Variants in INPP4B observed in about 807,000 individuals in gnomAD.
The protein encoded by INPP4B is inositol polyphosphate-4-phosphatase type II B, also known as inositol polyphosphate 4-phosphatase type II.
INPP4B carries 55 observed loss-of-function variants against 122.5 expected under a neutral mutation model. The observed-to-expected ratio is 0.45, with a 90% CI of 0.36 to 0.56. The LOEUF (loss-of-function observed/expected upper bound fraction) is 0.56. INPP4B is among the 20% of genes least tolerant of loss of function. The pLI, the probability that INPP4B is intolerant of heterozygous loss-of-function variation, is 0.00. For missense variants in INPP4B, 1,000 were observed against 1,097.7 expected (o/e 0.91, Z 1.26); for synonymous variants, 403 against 388.7 (o/e 1.04, Z -0.43).
Position 142,027,335 on chromosome 4 carries a change from T to C in INPP4B, c.*1447A>G, listed in dbSNP as rs1397629522. The C allele has an allele frequency of 6.6e-6, 1 of 152,186 alleles. No homozygotes were observed. The highest frequency in any genetic ancestry group is 1.5e-5 in the Non-Finnish European group (1 of 68,020). The allele number at this position is 152,186 out of a possible 1,614,324, so 9.4% of individuals were successfully genotyped here. A position where few individuals can be genotyped will look rare whatever the true frequency, so the allele number is the denominator to read the frequency against. ...AGGCAAGGAGCTATCACATTAGCTA[T>C]GGGAAGCATAATATCATCCATTGAT... On this transcript the variant is annotated 3_prime_UTR_variant, in exon 26 of 26. Transcript: ENST00000262992.
intron 7 of INPP4B, among the ~76,000 whole-genome samples, chr4:142,393,546 G>T (rs1798398100): frequency 6.6e-6 from 1 of 152,170 alleles, no homozygotes; most frequent in African/African-American, 2.4e-5. Context: ...TAAAGTTTTG[G>T]TCAATCTCTC....
intron 2 of INPP4B, among the ~76,000 whole-genome samples, chr4:142,550,587 T>C (rs1002744367): frequency 1.4e-4 from 7 of 51,062 alleles, no homozygotes; most frequent in South Asian, 8.1e-4. Context: ...ATATGTAATA[T>C]ATACACACAC....
rs763390850 is a variant in INPP4B at position 142,563,864 on chromosome 4, C to T, written c.-190-101138G>A. Among the ~76,000 whole-genome samples, 28 of 152,166 alleles carry T rather than the reference C, an allele frequency of 1.8e-4. 1 individual carries two copies. The highest frequency in any genetic ancestry group is 2.9e-4 in the Non-Finnish European group (20 of 68,036). On this transcript the variant is annotated intron_variant, in intron 2 of 25. Transcript: ENST00000262992. Reference sequence around the variant, plus strand: ...TCATGGCACAGCTATGGCTATGGCTCTACCCAACAGTCAGCTAATCCCCCG... The same window carrying T: ...TCATGGCACAGCTATGGCTATGGCTTTACCCAACAGTCAGCTAATCCCCCG...
At chr4:142,810,950 T>C (rs1779438180) in intron 1 of INPP4B, among the ~76,000 whole-genome samples, 1 of 152,240 alleles carries the variant, frequency 6.6e-6, no homozygotes, top group Non-Finnish European at 1.5e-5. Context: ...AAATTATACA[T>C]GTCCAGACAG....
intron 12 of INPP4B, among the ~76,000 whole-genome samples, chr4:142,230,342 T>C (rs1451229706): frequency 6.6e-6 from 1 of 151,862 alleles, no homozygotes; most frequent in African/African-American, 2.4e-5. Context: ...AAGATGACAG[T>C]AGATGTAGAA....
intron 1 of INPP4B, among the ~76,000 whole-genome samples, chr4:142,753,543 CT>C (rs1326096137): frequency 6.6e-6 from 1 of 151,980 alleles, no homozygotes; most frequent in Non-Finnish European, 1.5e-5. Flanking sequence ...TTGATCCCCC[CT>C]CTCTCCATTT....
chr4:142,257,974 A>G (rs1011131652), intron 11 of INPP4B, among the ~76,000 whole-genome samples: 1 of 152,194 alleles, frequency 6.6e-6, no homozygotes, highest in Non-Finnish European at 1.5e-5. Context: ...TACAGTAACC[A>G]AAACAGCATG....
At chr4:142,273,655 T>A (rs1003636050) in intron 9 of INPP4B, among the ~76,000 whole-genome samples, 1 of 151,962 alleles carries the variant, frequency 6.6e-6, no homozygotes, top group Non-Finnish European at 1.5e-5. Context: ...GGGTTTCCTA[T>A]TTTTCCTTAT....
chr4:142,182,318 G>A lies in INPP4B; in HGVS notation c.1182-8509C>T, dbSNP rs191086956. On this transcript the variant is annotated intron_variant, in intron 15 of 25. Coordinates refer to ENST00000262992, the MANE Select transcript of INPP4B (RefSeq NM_001101669.3). ...AATCCCAGCACTTTGGGAGGCTGAG[G>A]TGGGCGGATCACGAGGTCAGGAGAT... is the stretch of plus-strand genomic sequence containing the variant. 4.4e-3 allele frequency among the ~76,000 whole-genome samples: 668 copies of A among 152,194 alleles called. 11 individuals carry two copies. Among genetic ancestry groups the A allele is most frequent in the African/African-American group, 0.015 (609 of 41,520 alleles).
intron 7 of INPP4B, among the ~76,000 whole-genome samples, chr4:142,389,380 T>C (rs1360363993): frequency 1.3e-5 from 2 of 152,128 alleles, no homozygotes; most frequent in African/African-American, 4.8e-5. Flanking sequence ...CTCTAATTAA[T>C]TGGCTTAAAG....
At chr4:142,458,343 G>C (rs1815937850) in intron 3 of INPP4B, among the ~76,000 whole-genome samples, 1 of 152,154 alleles carries the variant, frequency 6.6e-6, no homozygotes, top group African/African-American at 2.4e-5. Context: ...TCTGTGCCTT[G>C]ATTGTAGTGG....
chr4:142,053,416 G>A (rs1052861098), intron 25 of INPP4B, among the ~76,000 whole-genome samples: 1 of 152,080 alleles, frequency 6.6e-6, no homozygotes, highest in African/African-American at 2.4e-5. Context: ...ACATTAAGTG[G>A]ATGGTAACAT....
In INPP4B at chr4:142,247,010, G is replaced by A. The variant is rs548400000; in HGVS notation, c.689-8999C>T. Among the ~76,000 whole-genome samples, 7 of 149,476 alleles carry A rather than the reference G, an allele frequency of 4.7e-5. No individual in the cohort carries two copies. In the South Asian group the frequency reaches 1.5e-3, roughly 31 times the overall value. ...TATTGAGAGTTTTTAGCATGAAGGG[G>A]TGAATTTTGTCAAAGGCCTTCTCTG... On this transcript the variant is annotated intron_variant, in intron 11 of 25. Coordinates refer to ENST00000262992, the MANE Select transcript of INPP4B (RefSeq NM_001101669.3).
At chr4:142,257,731 T>C (rs1737092428) in intron 11 of INPP4B, among the ~76,000 whole-genome samples, 1 of 152,210 alleles carries the variant, frequency 6.6e-6, no homozygotes, top group Non-Finnish European at 1.5e-5. Context: ...GAACATTCTA[T>C]GCTCATGGGT....
chr4:142,389,461 T>C (rs915538629), intron 7 of INPP4B, among the ~76,000 whole-genome samples: 4 of 152,198 alleles, frequency 2.6e-5, no homozygotes, highest in Non-Finnish European at 5.9e-5. Context: ...TTTACGTGAC[T>C]TTTAATCTTT....
intron 23 of INPP4B, among the ~76,000 whole-genome samples, chr4:142,093,671 G>A (rs926045083): frequency 6.6e-6 from 1 of 152,058 alleles, no homozygotes; most frequent in Non-Finnish European, 1.5e-5. Flanking sequence ...TGAAAATTAT[G>A]TTGTTTTAGA....
chr4:142,300,407 C>T (rs981037141), intron 9 of INPP4B, among the ~76,000 whole-genome samples: 3 of 152,062 alleles, frequency 2.0e-5, no homozygotes, highest in African/African-American at 7.2e-5. Flanking sequence ...CTTTTATTTA[C>T]AGAAACTACA....
At chr4:142,545,376 C>A (rs181816493) in intron 2 of INPP4B, among the ~76,000 whole-genome samples, 56 of 152,122 alleles carry the variant, frequency 3.7e-4, no homozygotes, top group Non-Finnish European at 5.7e-4. Flanking sequence ...ACCCATTGTA[C>A]AGAGAAGGTA....
At chr4:142,282,483 CAG>C (rs1179974701) in intron 9 of INPP4B, among the ~76,000 whole-genome samples, 1 of 152,132 alleles carries the variant, frequency 6.6e-6, no homozygotes, top group Admixed American at 6.5e-5. Flanking sequence ...AAAGTCCAGT[CAG>C]AGTCCTCTGC....
Sources: allele counts gnomAD v4.1 joint callset (sites outside exome capture counted in the v4.1 genomes callset), GRCh38; gene constraint gnomAD v4.1.1; transcripts MANE v1.5; gene names NCBI Gene and HGNC (gene_info 2026-07-23, HGNC 2026-07-21).